Variants in GPR39 observed in about 807,000 individuals in gnomAD.
The protein encoded by GPR39 is G protein-coupled receptor 39, also known as zinc sensing receptor.
A neutral mutation model predicts 18.4 loss-of-function variants in GPR39; 23 were observed. That is an observed-to-expected ratio of 1.25 (90% CI 0.90 to 1.77). GPR39 has a LOEUF of 1.77. Ranked by LOEUF, GPR39 falls within the 40% of genes most tolerant of loss-of-function variation. GPR39 has a pLI of 0.00. For synonymous variants in GPR39, 280 were observed against 257.9 expected (o/e 1.09, Z -0.82); for missense variants, 647 against 602.4 (o/e 1.07, Z -0.78).
At chr2:132,489,862 A>T (rs1166469400) in intron 1 of GPR39, among the ~76,000 whole-genome samples, 1 of 152,032 alleles carries the variant, frequency 6.6e-6, no homozygotes, top group Non-Finnish European at 1.5e-5. Flanking sequence ...AGTTACTGAC[A>T]GCTGAAAAGC....
rs779573197 is a variant in GPR39, at chr2:132,417,853, A to C, written c.811A>C (p.Ser271Arg). 3.5e-5 allele frequency: 56 copies of C among 1,610,256 alleles called. No homozygotes were observed. Among genetic ancestry groups the C allele is most frequent in the Non-Finnish European group, 4.5e-5 (53 of 1,179,626 alleles). Reference sequence around the variant, plus strand: ...GCCTCCGCAGCTGAGGAAGTCCGAGAGCGAAGAGAGCAGGACCGCCAGGAG... The same window carrying C: ...GCCTCCGCAGCTGAGGAAGTCCGAGCGCGAAGAGAGCAGGACCGCCAGGAG... ...TRPPQLRKSE[S>R]EESRTARRQT... The change falls in exon 1 of 2, where the codon AGC becomes CGC. Residue 271 changes from serine to arginine, a missense_variant. This residue lies in a region of GPR39 where 581 missense variants were observed against 506.8 expected (regional missense o/e 1.15). Transcript: ENST00000329321.
chr2:132,447,501 T>C (rs1393569522), intron 1 of GPR39, among the ~76,000 whole-genome samples: 1 of 152,232 alleles, frequency 6.6e-6, no homozygotes, highest in Non-Finnish European at 1.5e-5. Flanking sequence ...TATCTTCAGC[T>C]GCTAGGCTCA....
At chr2:132,638,712 G>A (rs749697640) in intron 1 of GPR39, among the ~76,000 whole-genome samples, 1 of 152,194 alleles carries the variant, frequency 6.6e-6, no homozygotes, top group African/African-American at 2.4e-5. Context: ...ATCTTTTATT[G>A]GATGTATTTG....
intron 1 of GPR39, among the ~76,000 whole-genome samples, chr2:132,609,895 T>C (rs1383343687): frequency 6.6e-6 from 1 of 152,118 alleles, no homozygotes; most frequent in Non-Finnish European, 1.5e-5. Context: ...CACCTCTGAC[T>C]ACAGCCAGCC....
At chr2:132,451,884 A>C (rs1211981464) in intron 1 of GPR39, among the ~76,000 whole-genome samples, 1 of 152,068 alleles carries the variant, frequency 6.6e-6, no homozygotes, top group African/African-American at 2.4e-5. Context: ...ATTTAAATAG[A>C]TTCAGTCTTC....
intron 1 of GPR39, among the ~76,000 whole-genome samples, chr2:132,522,375 A>G (rs564096220): frequency 7.2e-5 from 11 of 152,246 alleles, no homozygotes; most frequent in Non-Finnish European, 1.5e-4. Context: ...AATGCTAGAC[A>G]TCAATAGATG....
chr2:132,563,859 T>C (rs1457096759), intron 1 of GPR39, among the ~76,000 whole-genome samples: 2 of 152,176 alleles, frequency 1.3e-5, no homozygotes, highest in Admixed American at 6.5e-5. Flanking sequence ...GTTCTCAAAC[T>C]TGGCTGCACA....
At chr2:132,467,220 A>G (rs1680942992) in intron 1 of GPR39, among the ~76,000 whole-genome samples, 1 of 152,218 alleles carries the variant, frequency 6.6e-6, no homozygotes. Context: ...GACCTAGCAG[A>G]GCACTGGCTC....
chr2:132,629,981 T>C (rs1200682835), intron 1 of GPR39, among the ~76,000 whole-genome samples: 1 of 152,184 alleles, frequency 6.6e-6, no homozygotes, highest in Admixed American at 6.5e-5. Flanking sequence ...TCTTATTGTT[T>C]TCATCTGTAA....
chr2:132,645,431 C>T lies in GPR39; in HGVS notation c.1187C>T (p.Ser396Phe). ...GTGCAGCGCCCGTTGCTCTTCGCGT[C>T]CCGGCGCCAGTCCTCTGCAAGGAGA... The part of the protein sequence containing the change: ...RFVQRPLLFA[S>F]RRQSSARRTE... Residue 396 changes from serine to phenylalanine, a missense_variant, in exon 2 of 2, where the codon TCC becomes TTC. Transcript: ENST00000329321. The T allele has an allele frequency of 6.2e-7, 1 of 1,613,632 alleles. No individual in the cohort carries two copies. Among genetic ancestry groups the T allele is most frequent in the Non-Finnish European group, 8.5e-7 (1 of 1,180,034 alleles).
At chr2:132,487,452 G>A (rs748674453) in intron 1 of GPR39, among the ~76,000 whole-genome samples, 12 of 152,092 alleles carry the variant, frequency 7.9e-5, no homozygotes, top group Non-Finnish European at 1.3e-4. Flanking sequence ...GCATTGAAGC[G>A]AAGCATAATA....
chr2:132,474,315 C>T (rs1255682722), intron 1 of GPR39, among the ~76,000 whole-genome samples: 2 of 152,218 alleles, frequency 1.3e-5, no homozygotes, highest in African/African-American at 2.4e-5. Flanking sequence ...TCTACTACCT[C>T]TCATGGCCTC....
intron 1 of GPR39, among the ~76,000 whole-genome samples, chr2:132,460,700 A>G (rs1215177374): frequency 1.3e-5 from 2 of 152,132 alleles, no homozygotes; most frequent in East Asian, 1.9e-4. Context: ...AGACTCTGCC[A>G]ACAATTTCTC....
chr2:132,440,318 C>A (rs1467037708), intron 1 of GPR39, among the ~76,000 whole-genome samples: 1 of 152,184 alleles, frequency 6.6e-6, no homozygotes, highest in Non-Finnish European at 1.5e-5. Flanking sequence ...CCTGCCCTCA[C>A]AATAACCTGA....
chr2:132,511,491 G>T (rs1273936665), intron 1 of GPR39, among the ~76,000 whole-genome samples: 1 of 152,132 alleles, frequency 6.6e-6, no homozygotes, highest in Non-Finnish European at 1.5e-5. Flanking sequence ...TGACAAAATG[G>T]TTTTTAAAAT....
chr2:132,623,203 T>C (rs1003343597), intron 1 of GPR39, among the ~76,000 whole-genome samples: 1 of 151,998 alleles, frequency 6.6e-6, no homozygotes, highest in Admixed American at 6.5e-5. Context: ...AAGTCAGAGC[T>C]CAGTCCTCAA....
At chr2:132,608,181 G>A (rs1421670903) in intron 1 of GPR39, among the ~76,000 whole-genome samples, 1 of 152,328 alleles carries the variant, frequency 6.6e-6, no homozygotes, top group Middle Eastern at 3.4e-3. Context: ...AACATTTGTT[G>A]TAATGACATC....
chr2:132,439,105 A>G (rs1680386649), intron 1 of GPR39, among the ~76,000 whole-genome samples: 1 of 152,218 alleles, frequency 6.6e-6, no homozygotes, highest in Non-Finnish European at 1.5e-5. Context: ...GCCAAATCAC[A>G]AACACGATTT....
intron 1 of GPR39, among the ~76,000 whole-genome samples, chr2:132,586,302 C>T (rs1680731277): frequency 6.6e-6 from 1 of 152,086 alleles, no homozygotes; most frequent in South Asian, 2.1e-4. Context: ...CTGAAGGCAC[C>T]ATGCCACCAC....
Sources: allele counts gnomAD v4.1 joint callset (sites outside exome capture counted in the v4.1 genomes callset), GRCh38; gene constraint gnomAD v4.1.1; regional missense constraint gnomAD v4.1.1; transcripts MANE v1.5; gene names NCBI Gene and HGNC (gene_info 2026-07-23, HGNC 2026-07-21).